The following ESS2 variants were observed in gnomAD, a reference collection of about 807,000 sequenced individuals.
The protein encoded by ESS2 is ess-2 spliceosome associated protein.
ESS2 carries 31 observed loss-of-function variants against 52.0 expected under a neutral mutation model. That is an observed-to-expected ratio of 0.60 (90% CI 0.45 to 0.81). The LOEUF is 0.81. Ranked by LOEUF, ESS2 falls within the 30% of genes least tolerant of loss-of-function variation. ESS2 has a pLI of 0.00. For missense variants in ESS2, 602 were observed against 637.2 expected, an observed-to-expected ratio of 0.94 and a Z score of 0.59; for synonymous variants, 285 against 259.2, an observed-to-expected ratio of 1.10 and a Z score of -0.95.
rs1445115270 is a variant in ESS2, at chr22:19,138,214, C to A, written c.925+1G>T. 6.2e-7 allele frequency: 1 copy of A among 1,613,894 alleles called. No homozygotes were observed. Among genetic ancestry groups the A allele is most frequent in the African/African-American group, 1.3e-5 (1 of 74,928 alleles). ...CACTTGCCAGTGGGCACTTTTCTCA[C>A]CAGGGGCAGGGGAAGGAGTGGCAAC... On this transcript the variant is annotated splice_donor_variant, in intron 7 of 9. Coordinates refer to ENST00000252137, the MANE Select transcript of ESS2 (RefSeq NM_022719.3). LOFTEE classifies it high-confidence loss of function.
At position 19,139,259 on chromosome 22, in the gene ESS2, G is replaced by A. The variant is rs779218622; in HGVS notation, c.722C>T (p.Pro241Leu). 8.7e-6 allele frequency: 14 copies of A among 1,605,758 alleles called. No homozygotes were observed. Among genetic ancestry groups the A allele is most frequent in the Non-Finnish European group, 1.2e-5 (14 of 1,175,798 alleles). ...VPDEEQLFKK[P>L]RQVVHKNTRF... ...CGTGTTCTTATGTACCACCTGCCGGGGCTTCTTAAACAGCTGCTCCTCGTC... is the reference window on the plus strand; with the variant it reads ...CGTGTTCTTATGTACCACCTGCCGGAGCTTCTTAAACAGCTGCTCCTCGTC... Residue 241 changes from proline (P) to leucine (L), a missense_variant, in exon 6 of 10, where the codon CCC (proline) becomes CTC (leucine). Transcript: ENST00000252137.
chr22:19,139,712 G>A lies in ESS2; in HGVS notation c.588C>T (p.Leu196=), dbSNP rs776917270. ...EEFEKRQKDN[L]ELPSAEHQAI... Reference sequence around the variant, plus strand: ...CCTGGTGCTCTGCTGACGGGAGTTCGAGATTATCTTTCTGCCTCTGCAATC... The same window carrying A: ...CCTGGTGCTCTGCTGACGGGAGTTCAAGATTATCTTTCTGCCTCTGCAATC... The change falls in exon 5 of 10, where the codon CTC becomes CTT. Residue 196 remains leucine (L), a synonymous_variant. Coordinates refer to ENST00000252137, the MANE Select transcript of ESS2 (RefSeq NM_022719.3). 5.9e-5 allele frequency: 96 copies of A among 1,614,032 alleles called. No individual in the cohort carries two copies. Among genetic ancestry groups the A allele is most frequent in the Non-Finnish European group, 6.3e-5 (74 of 1,180,004 alleles).
chr22:19,138,966 C>T (rs1030152075), intron 6 of ESS2, among the ~76,000 whole-genome samples, 193 bp downstream of exon 6: 1 of 152,172 alleles, frequency 6.6e-6, no homozygotes, highest in Non-Finnish European at 1.5e-5. Flanking sequence ...ACCTACAGAA[C>T]GTGTGTGACC....
In ESS2 at chr22:19,135,478, C is replaced by T. The variant is rs556319925; in HGVS notation, c.1036-303G>A. 3.3e-5 allele frequency among the ~76,000 whole-genome samples: 5 copies of T among 152,282 alleles called. No homozygotes were observed. In the East Asian group the frequency reaches 9.7e-4, roughly 29 times the overall value. On this transcript the variant is annotated intron_variant, in intron 8 of 9. Transcript: ENST00000252137. ...TCAGAGTGAACATCTCTGTCTTTAT[C>T]GGCGCTCTGTATTTCGGGCGCTTCC...
chr22:19,139,218 G>T lies in ESS2; in HGVS notation c.763C>A (p.Pro255Thr). 6.2e-7 allele frequency: 1 copy of T among 1,608,664 alleles called. No individual in the cohort carries two copies. Among genetic ancestry groups the T allele is most frequent in the Admixed American group, 1.7e-5 (1 of 59,400 alleles). Residue 255 changes from proline (P) to threonine (T), a missense_variant, in exon 6 of 10, where the codon CCC becomes ACC. By Grantham distance (38) the Pro-to-Thr change is conservative. Coordinates refer to ENST00000252137, the MANE Select transcript of ESS2 (RefSeq NM_022719.3). ...CACCTGCTCAGGGCTTGGCTGAAGG[G>T]GTCCCTAAGGAAGCGCGTGTTCTTA... Reference protein sequence around the residue: ...VHKNTRFLRDPFSQALSRCQL... With the variant: ...VHKNTRFLRDTFSQALSRCQL...
Position 19,133,981 on chromosome 22 carries a change from A to T in ESS2, c.*215T>A, listed in dbSNP as rs2083535724. The T allele has an allele frequency of 2.2e-6, 1 of 462,352 alleles. No homozygotes were observed. The highest frequency in any genetic ancestry group is 3.6e-6 in the Non-Finnish European group (1 of 281,412). 28.6% of individuals were successfully genotyped at this position (462,352 alleles called of 1,614,324 possible). On this transcript the variant is annotated 3_prime_UTR_variant, in exon 10 of 10. Transcript: ENST00000252137. ...AATGACAGTTCAAGGGGCCAATTAA[A>T]CAGCAAACAGCTTGGCAAGGCCCTG...
intron 8 of ESS2, 79 bp from the exon 9 acceptor site, chr22:19,135,254 G>C: frequency 8.6e-7 from 1 of 1,166,124 alleles, no homozygotes; most frequent in South Asian, 1.3e-5. Flanking sequence ...AAGCCACTGT[G>C]GTGGGTGCCA....
At chr22:19,138,027 C>G in intron 7 of ESS2, 188 bp downstream of exon 7, 1 of 985,380 alleles carries the variant, frequency 1.0e-6, no homozygotes, top group Non-Finnish European at 1.2e-6. Context: ...TCCAGCCCAC[C>G]CACGGCCCCA....
At position 19,138,183 on chromosome 22, in the gene ESS2, T is replaced by C. The variant is rs769978763; in HGVS notation, c.925+32A>G. 8 of 1,612,012 alleles carry C rather than the reference T, an allele frequency of 5.0e-6. No homozygotes were observed. The South Asian group carries it at 6.6e-5, about 13-fold the overall frequency. ...CACCTCCCCCAGGGAGTCCCAGCAG[T>C]AGACCCACTTGCCAGTGGGCACTTT... On this transcript the variant is annotated intron_variant, in intron 7 of 9. Transcript: ENST00000252137.
chr22:19,134,652 C>T (rs1280620447), intron 9 of ESS2, among the ~76,000 whole-genome samples, 177 bp from the exon 10 acceptor site: 2 of 152,062 alleles, frequency 1.3e-5, no homozygotes, highest in Admixed American at 1.3e-4. Flanking sequence ...CAAACAGCAG[C>T]GCTCAGGTCA....
chr22:19,144,266 C>T lies in ESS2; in HGVS notation c.135+240G>A, dbSNP rs1031804641. On this transcript the variant is annotated intron_variant, in intron 1 of 9. Coordinates refer to ENST00000252137, the MANE Select transcript of ESS2 (RefSeq NM_022719.3). ...CACACTTTAACAGAAAATCTTCTTT[C>T]CCTGACCCCCGTCCCATACAAAGAG... 3.9e-6 allele frequency: 5 copies of T among 1,284,322 alleles called. No homozygotes were observed. The African/African-American group carries it at 6.2e-5, about 16-fold the overall frequency. The allele number at this position is 1,284,322 out of a possible 1,614,324, so 79.6% of individuals were successfully genotyped here.
At position 19,134,399 on chromosome 22, in the gene ESS2, T is replaced by C; in HGVS notation, c.1228A>G (p.Thr410Ala). 1.2e-6 allele frequency: 2 copies of C among 1,610,046 alleles called. No homozygotes were observed. The highest frequency in any genetic ancestry group is 1.1e-5 in the South Asian group (1 of 90,720). The change falls in exon 10 of 10, where the codon ACA becomes GCA. Residue 410 changes from threonine (T) to alanine (A), a missense_variant. Transcript: ENST00000252137. ...RLVSRTASKYTDRALRASYTP... is the reference protein window; with the variant it reads ...RLVSRTASKYADRALRASYTP... ...TAGCTGGCCCGCAGGGCCCGGTCTGTGTACTTGCTGGCCGTCCTGCTCACA... is the reference window on the plus strand; with the variant it reads ...TAGCTGGCCCGCAGGGCCCGGTCTGCGTACTTGCTGGCCGTCCTGCTCACA...
intron 6 of ESS2, among the ~76,000 whole-genome samples, chr22:19,138,701 C>T (rs2083629318): frequency 6.6e-6 from 1 of 152,226 alleles, no homozygotes; most frequent in Non-Finnish European, 1.5e-5. Context: ...TTCCTGCCTT[C>T]CCCACTTCAA....
chr22:19,139,327 G>A, intron 5 of ESS2, 35 bp from the exon 6 acceptor site: 1 of 1,550,436 alleles, frequency 6.4e-7, no homozygotes, highest in South Asian at 1.2e-5. Context: ...GCAGGTGTCA[G>A]AAGGGCAGCA....
chr22:19,137,202 C>G (rs1349194117), intron 8 of ESS2, 121 bp downstream of exon 8: 1 of 714,616 alleles, frequency 1.4e-6, no homozygotes, highest in African/African-American at 1.8e-5. Context: ...TCAGAAAAGC[C>G]AGCACTCTGC....
chr22:19,135,663 T>G (rs2083568969), intron 8 of ESS2, among the ~76,000 whole-genome samples: 1 of 152,250 alleles, frequency 6.6e-6, no homozygotes, highest in Non-Finnish European at 1.5e-5. Context: ...TAACATTTTC[T>G]GCTGTATTTG....
chr22:19,143,192 G>C (rs1339086864), intron 1 of ESS2, among the ~76,000 whole-genome samples: 3 of 118,588 alleles, frequency 2.5e-5, no homozygotes, highest in Non-Finnish European at 4.9e-5. Context: ...GCGACAGAGC[G>C]AGACCGTCTC....
intron 8 of ESS2, 142 bp downstream of exon 8, chr22:19,137,181 C>T (rs914519182): frequency 6.2e-6 from 4 of 644,292 alleles, no homozygotes; most frequent in Non-Finnish European, 1.1e-5. Context: ...CTGCCTTCAG[C>T]ACCCTGGCAT....
At position 19,132,315 on chromosome 22, in the gene ESS2, A is replaced by AGGCCCGACCACC; in HGVS notation, c.*1869_*1880dup. On this transcript the variant is annotated 3_prime_UTR_variant, in exon 10 of 10. Transcript: ENST00000252137. The surrounding 1 kb of genome is among the most constrained non-coding windows in gnomAD (Gnocchi z 4.2). Reference sequence around the variant, plus strand: ...CAAACTGGACACCAAGACAGGCTTGAGGCCCGACCACCGGCCCGACCACAA... The same window carrying AGGCCCGACCACC: ...CAAACTGGACACCAAGACAGGCTTGAGGCCCGACCACCGGCCCGACCACCGGCCCGACCACAA... The AGGCCCGACCACC allele has an allele frequency of 6.2e-7, 1 of 1,612,932 alleles. No individual in the cohort carries two copies. Among genetic ancestry groups the AGGCCCGACCACC allele is most frequent in the Non-Finnish European group, 8.5e-7 (1 of 1,179,938 alleles).
Sources: allele counts gnomAD v4.1 joint callset (sites outside exome capture counted in the v4.1 genomes callset), GRCh38; gene constraint gnomAD v4.1.1; non-coding constraint Gnocchi (gnomAD v3.1); transcripts MANE v1.5; gene names NCBI Gene and HGNC (gene_info 2026-07-23, HGNC 2026-07-21).